PPM1E: variants seen among roughly 807,000 people sequenced by gnomAD.
The protein encoded by PPM1E is protein phosphatase, Mg2+/Mn2+ dependent 1E, also known as protein phosphatase 1E.
Under a neutral mutation model 65.9 loss-of-function variants are expected in PPM1E, and 20 were observed. The observed-to-expected ratio is 0.30, with a 90% confidence interval of 0.21 to 0.44. PPM1E has a LOEUF of 0.44. Among genes scored for constraint, PPM1E ranks in the 20% least tolerant of loss-of-function variants. The pLI, the probability that PPM1E is intolerant of heterozygous loss-of-function variation, is 1.00. For missense variants in PPM1E, 713 were observed against 953.1 expected (o/e 0.75, Z 3.32); for synonymous variants, 352 against 374.9 (o/e 0.94, Z 0.70).
intron 1 of PPM1E, among the ~76,000 whole-genome samples, chr17:58,826,087 G>T (rs1161759979): frequency 1.3e-5 from 2 of 151,172 alleles, no homozygotes; most frequent in South Asian, 4.2e-4. Context: ...TCCGAAGTTC[G>T]AGACCAGCCC....
At chr17:58,834,695 T>C (rs1276823470) in intron 1 of PPM1E, among the ~76,000 whole-genome samples, 2 of 152,182 alleles carry the variant, frequency 1.3e-5, no homozygotes, top group Non-Finnish European at 2.9e-5. Context: ...CAAAAATTGG[T>C]TGTCTGTACA....
chr17:58,888,870 C>T (rs2051312953), intron 1 of PPM1E, among the ~76,000 whole-genome samples: 1 of 152,092 alleles, frequency 6.6e-6, no homozygotes, highest in African/African-American at 2.4e-5. Context: ...GGCCATTCAG[C>T]AAGAGATAGA....
At chr17:58,957,678 C>G (rs1031595664) in intron 2 of PPM1E, among the ~76,000 whole-genome samples, 2 of 152,032 alleles carry the variant, frequency 1.3e-5, no homozygotes, top group African/African-American at 4.8e-5. Flanking sequence ...CACTGAAGTG[C>G]CTTTTGTCTC....
intron 1 of PPM1E, among the ~76,000 whole-genome samples, chr17:58,767,870 G>A (rs1043164229): frequency 2.6e-5 from 4 of 152,168 alleles, no homozygotes; most frequent in South Asian, 4.1e-4. Context: ...TCGAACTCCC[G>A]ACCTCAGGTG....
intron 1 of PPM1E, among the ~76,000 whole-genome samples, chr17:58,838,701 T>C (rs1408381575): frequency 6.6e-6 from 1 of 152,182 alleles, no homozygotes; most frequent in Non-Finnish European, 1.5e-5. Flanking sequence ...AGTTGTAAAC[T>C]TACGTCCACA....
chr17:58,875,152 C>A (rs1297009933), intron 1 of PPM1E, among the ~76,000 whole-genome samples: 1 of 152,012 alleles, frequency 6.6e-6, no homozygotes, highest in Non-Finnish European at 1.5e-5. Flanking sequence ...TTATAATAAG[C>A]CTGAAAAACA....
chr17:58,877,838 A>G (rs2051144853), intron 1 of PPM1E, among the ~76,000 whole-genome samples: 1 of 152,190 alleles, frequency 6.6e-6, no homozygotes, highest in Non-Finnish European at 1.5e-5. Flanking sequence ...TCTTGGGATT[A>G]ATAGCTCACA....
chr17:58,805,960 AC>A (rs773978996), intron 1 of PPM1E, among the ~76,000 whole-genome samples: 13,445 of 103,132 alleles, frequency 0.13, 2,291 homozygotes, highest in African/African-American at 0.21. Flanking sequence ...AAAAAAAAAA[AC>A]AAAAAAAAAA....
chr17:58,761,406 C>T (rs1440504100), intron 1 of PPM1E, among the ~76,000 whole-genome samples: 1 of 152,144 alleles, frequency 6.6e-6, no homozygotes, highest in African/African-American at 2.4e-5. Flanking sequence ...CTTTTGCCCT[C>T]TAGATAAAAT....
In PPM1E at chr17:58,823,660, A is replaced by G. The variant is rs1356785204; in HGVS notation, c.464+67199A>G. On this transcript the variant is annotated intron_variant, in intron 1 of 6. Transcript: ENST00000308249. ...ATCTGCACCACAGGAAAGATAAAAA[A>G]TAAAGAAAAACATCTGCAAAATTAA... Among the ~76,000 whole-genome samples the G allele has an allele frequency of 1.3e-4, 20 of 152,330 alleles. No individual in the cohort carries two copies. In the East Asian group the frequency reaches 2.3e-3, roughly 18 times the overall value.
At chr17:58,916,300 A>G (rs951386251) in intron 1 of PPM1E, among the ~76,000 whole-genome samples, 1 of 152,214 alleles carries the variant, frequency 6.6e-6, no homozygotes, top group East Asian at 1.9e-4. Context: ...TAAATTTTGA[A>G]TAAATAGAAA....
chr17:58,933,960 C>T (rs368520159), intron 1 of PPM1E, among the ~76,000 whole-genome samples: 15 of 151,634 alleles, frequency 9.9e-5, no homozygotes, highest in South Asian at 2.1e-4. Flanking sequence ...CTGGATGTGG[C>T]GGCACGCGCC....
chr17:58,907,244 TAA>T (rs36059703), intron 1 of PPM1E, among the ~76,000 whole-genome samples: 19 of 145,644 alleles, frequency 1.3e-4, no homozygotes, highest in Admixed American at 2.1e-4. Context: ...AGACTCCATC[TAA>T]AAAAAAAAAA....
intron 1 of PPM1E, among the ~76,000 whole-genome samples, chr17:58,782,600 CG>C (rs1283880678): frequency 1.3e-5 from 2 of 150,104 alleles, no homozygotes; most frequent in Non-Finnish European, 3.0e-5. Flanking sequence ...TTAATAGAGA[CG>C]GGGTTTCACC....
chr17:58,878,658 C>T (rs991642622), intron 1 of PPM1E, among the ~76,000 whole-genome samples: 5 of 151,122 alleles, frequency 3.3e-5, no homozygotes, highest in Non-Finnish European at 7.4e-5. Flanking sequence ...GCTGGCCAGG[C>T]GTGGTGGCTC....
chr17:58,822,464 G>A (rs2050491166), intron 1 of PPM1E, among the ~76,000 whole-genome samples: 1 of 151,922 alleles, frequency 6.6e-6, no homozygotes, highest in South Asian at 2.1e-4. Flanking sequence ...TGATAATTAT[G>A]GTTAGAACCT....
chr17:58,766,030 A>G (rs1318199584), intron 1 of PPM1E, among the ~76,000 whole-genome samples: 7 of 145,486 alleles, frequency 4.8e-5, no homozygotes, highest in Non-Finnish European at 9.1e-5. Flanking sequence ...ATAGGTGTGC[A>G]CTACCACACC....
At chr17:58,867,309 A>T (rs1376089581) in intron 1 of PPM1E, among the ~76,000 whole-genome samples, 1 of 152,210 alleles carries the variant, frequency 6.6e-6, no homozygotes, top group Non-Finnish European at 1.5e-5. Flanking sequence ...CGCAAAAATC[A>T]TGTTACTCAA....
chr17:58,775,579 TCTTA>T (rs1433642107), intron 1 of PPM1E, among the ~76,000 whole-genome samples: 4 of 152,150 alleles, frequency 2.6e-5, no homozygotes, highest in Admixed American at 6.6e-5. Context: ...TTAATGCTAT[TCTTA>T]CTTTTACTGA....
Sources: gnomAD v4.1 joint callset for allele counts (sites outside exome capture counted in the v4.1 genomes callset) on GRCh38, gnomAD v4.1.1 for gene constraint, MANE v1.5 for transcripts, NCBI Gene and HGNC (gene_info 2026-07-23, HGNC 2026-07-21) for gene names.